IGSF8: variants seen among roughly 807,000 people sequenced by gnomAD.
IGSF8 encodes CD81 partner 3.
Under a neutral mutation model 55.5 loss-of-function variants are expected in IGSF8, and 46 were observed. The ratio of observed to expected loss-of-function variants is 0.83; its 90% confidence interval spans 0.65 to 1.06. The LOEUF is 1.06. Ranked by LOEUF, IGSF8 falls within the 50% of genes least tolerant of loss-of-function variation. IGSF8 has a pLI of 0.00. For missense variants in IGSF8, 731 were observed against 832.3 expected (o/e 0.88, Z 1.50); for synonymous variants, 314 against 356.1 (o/e 0.88, Z 1.33).
Position 160,095,048 on chromosome 1 carries a change from TAGG to T in IGSF8, c.260_262del (p.Ser87del), listed in dbSNP as rs748020439. 4.3e-6 allele frequency: 7 copies of T among 1,614,038 alleles called. No individual in the cohort carries two copies. The African/African-American group carries it at 9.3e-5, about 22-fold the overall frequency. On this transcript the variant is annotated inframe_deletion, in exon 2 of 7. Transcript: ENST00000314485. ...CACCACTCGGGACTTGAAGACAGCA[TAGG>T]AGAACTGGGTATCCTTGGTACTGAC...
chr1:160,093,220 G>C lies in IGSF8; in HGVS notation c.1016C>G (p.Ala339Gly), dbSNP rs1302405878. ...CATCTCCCAACCTACAGAGTATGCA[G>C]CATGACGGCCTGCTGGGGGAAGTGC... is the stretch of plus-strand genomic sequence containing the variant. Reference protein sequence around the residue: ...SGALPPAGRHAAYSVGWEMAP... With the variant: ...SGALPPAGRHGAYSVGWEMAP... The change falls in exon 4 of 7, where the codon GCT becomes GGT. Residue 339 changes from alanine to glycine, a missense_variant. By Grantham distance (60) the Ala-to-Gly change is moderately conservative. Coordinates refer to ENST00000314485, the MANE Select transcript of IGSF8 (RefSeq NM_052868.6). 1.4e-5 allele frequency: 22 copies of C among 1,613,942 alleles called. No homozygotes were observed. The highest frequency in any genetic ancestry group is 1.9e-5 in the Non-Finnish European group (22 of 1,179,960).
rs1298154154 is a variant in IGSF8 at position 160,093,739 on chromosome 1, A to G, written c.875T>C (p.Val292Ala). 1 of 1,611,918 alleles carries G rather than the reference A, an allele frequency of 6.2e-7. No homozygotes were observed. Among genetic ancestry groups the G allele is most frequent in the Non-Finnish European group, 8.5e-7 (1 of 1,178,690 alleles). Reference sequence around the variant, plus strand: ...CGTCTGCACATCCACGTGGGCCAGGACGGCCCTTTTCTCTGCAATCTGGGC... The same window carrying G: ...CGTCTGCACATCCACGTGGGCCAGGGCGGCCCTTTTCTCTGCAATCTGGGC... ...SWAQIAEKRA[V>A]LAHVDVQTLS... The change falls in exon 3 of 7, where the codon GTC (valine) becomes GCC (alanine). Residue 292 changes from valine (V) to alanine (A), a missense_variant. Transcript: ENST00000314485.
At position 160,093,807 on chromosome 1, in the gene IGSF8, G is replaced by A. The variant is rs1350718768; in HGVS notation, c.807C>T (p.His269=). Residue 269 remains histidine, a synonymous_variant, in exon 3 of 7, where the codon CAC becomes CAT. Coordinates refer to ENST00000314485, the MANE Select transcript of IGSF8 (RefSeq NM_052868.6). ...GAQAGDAGTY[H]CTAAEWIQDP... The stretch of plus-strand genomic sequence containing the variant: ...CCTGAATCCACTCAGCGGCAGTGCA[G>A]TGGTAGGTGCCTGCGTCCCCTGCCT... 6.2e-7 allele frequency: 1 copy of A among 1,614,098 alleles called. No individual in the cohort carries two copies.
Position 160,098,433 on chromosome 1 carries a change from G to A in IGSF8, c.40C>T (p.Pro14Ser), listed in dbSNP as rs200932191. The change falls in exon 1 of 7, where the codon CCG becomes TCG. Residue 14 changes from proline (P) to serine (S), a missense_variant. By Grantham distance (74) the Pro-to-Ser change is moderately conservative (BLOSUM62 -1). Transcript: ENST00000314485. The stretch of plus-strand genomic sequence containing the variant: ...CCTAGCATTAGCAGCAGCAGCAGCG[G>A]CAGCGAAGGCGGCAGCAGCGTGGGC... The part of the protein sequence containing the change: ...LRPTLLPPSL[P>S]LLLLLMLGMG... 28 of 1,547,932 alleles carry A rather than the reference G, an allele frequency of 1.8e-5. No homozygotes were observed. In the East Asian group the frequency reaches 6.6e-4, roughly 36 times the overall value.
Position 160,092,300 on chromosome 1 carries a change from C to T in IGSF8, c.1708G>A (p.Val570Ile). ...AGSARSGPVT[V>I]YPYMHALDTL... Reference sequence around the variant, plus strand: ...CACTCACCATGCATGTAGGGGTAGACTGTAACAGGCCCTGAGCGGGCACTG... The same window carrying T: ...CACTCACCATGCATGTAGGGGTAGATTGTAACAGGCCCTGAGCGGGCACTG... The change falls in exon 5 of 7, where the codon GTC becomes ATC. Residue 570 changes from valine (V) to isoleucine (I), a missense_variant. Coordinates refer to ENST00000314485, the MANE Select transcript of IGSF8 (RefSeq NM_052868.6). 2 of 1,614,092 alleles carry T rather than the reference C, an allele frequency of 1.2e-6. No homozygotes were observed. The highest frequency in any genetic ancestry group is 1.7e-6 in the Non-Finnish European group (2 of 1,179,946).
chr1:160,093,422 C>G, intron 3 of IGSF8, 91 bp from the exon 4 acceptor site: 1 of 1,302,392 alleles, frequency 7.7e-7, no homozygotes, highest in Non-Finnish European at 1.1e-6. Flanking sequence ...TACTTGACAG[C>G]AGCAACTTCA....
chr1:160,097,586 G>T, intron 1 of IGSF8: 1 of 608,732 alleles, frequency 1.6e-6, no homozygotes, highest in Non-Finnish European at 2.1e-6. Context: ...CTGTCTCCAT[G>T]CCATACTCTT....
In IGSF8 at chr1:160,098,463, G is replaced by A. The variant is rs1650605822; in HGVS notation, c.10C>T (p.Leu4Phe). The change falls in exon 1 of 7, where the codon CTC becomes TTC. Residue 4 changes from leucine (L) to phenylalanine (F), a missense_variant. Transcript: ENST00000314485. ...GAAGGCGGCAGCAGCGTGGGCCTGA[G>A]GGCGCCCATCCTGCGCGGCCAGCTC... MGA[L>F]RPTLLPPSLP... 6.5e-7 allele frequency: 1 copy of A among 1,543,584 alleles called. No homozygotes were observed. The highest frequency in any genetic ancestry group is 8.7e-7 in the Non-Finnish European group (1 of 1,144,838).
chr1:160,099,438 C>G (rs939603519), upstream of IGSF8, among the ~76,000 whole-genome samples: 4 of 152,218 alleles, frequency 2.6e-5, no homozygotes, highest in African/African-American at 9.7e-5. Context: ...TTTTCACCCC[C>G]TCAGAGGGCA....
At chr1:160,098,631 G>A, upstream of IGSF8, 1 of 556,958 alleles carries the variant, frequency 1.8e-6, no homozygotes, top group Non-Finnish European at 3.1e-6. Context: ...CCCTCCCTCC[G>A]CCCCTCCCGC....
chr1:160,096,232 G>C (rs1650426546), intron 1 of IGSF8, among the ~76,000 whole-genome samples: 1 of 152,068 alleles, frequency 6.6e-6, no homozygotes, highest in South Asian at 2.1e-4. Flanking sequence ...CACTAGATAA[G>C]ATCACAGAAC....
chr1:160,093,698 A>T lies in IGSF8; in HGVS notation c.904+12T>A. On this transcript the variant is annotated intron_variant, in intron 3 of 6. Coordinates refer to ENST00000314485, the MANE Select transcript of IGSF8 (RefSeq NM_052868.6). The stretch of plus-strand genomic sequence containing the variant: ...CCCAGCTCCCACAGTGGGATGTATA[A>T]GTGGCACTTACACAGCGTCTGCACA... 6.3e-7 allele frequency: 1 copy of T among 1,582,904 alleles called. No homozygotes were observed. Among genetic ancestry groups the T allele is most frequent in the South Asian group, 1.2e-5 (1 of 85,840 alleles).
chr1:160,097,810 G>T, intron 1 of IGSF8: 1 of 985,482 alleles, frequency 1.0e-6, no homozygotes, highest in Non-Finnish European at 1.2e-6. Context: ...TGTGAAAACT[G>T]ATGGGTGGCT....
rs748094318 is a variant in IGSF8, at chr1:160,094,319, G to A, written c.443-148C>T. 6.7e-5 allele frequency: 42 copies of A among 627,770 alleles called. No homozygotes were observed. The highest frequency in any genetic ancestry group is 1.1e-4 in the Non-Finnish European group (38 of 361,116). The allele number at this position is 627,770 out of a possible 1,614,324, so 38.9% of individuals were successfully genotyped here. On this transcript the variant is annotated intron_variant, in intron 2 of 6. Transcript: ENST00000314485. This position sits in a 1 kb window ranked among gnomAD's most constrained non-coding sequence, Gnocchi z 4.0. Reference sequence around the variant, plus strand: ...ATTATTTCTTCTGTAACTCAGTGGTGCCAAGGGCAGTACTGGGCACAGCAC... The same window carrying A: ...ATTATTTCTTCTGTAACTCAGTGGTACCAAGGGCAGTACTGGGCACAGCAC...
At position 160,093,155 on chromosome 1, in the gene IGSF8, G is replaced by C. The variant is rs761645976; in HGVS notation, c.1081C>G (p.Gln361Glu). The C allele has an allele frequency of 6.2e-7, 1 of 1,613,704 alleles. No individual in the cohort carries two copies. The highest frequency in any genetic ancestry group is 1.7e-5 in the Admixed American group (1 of 59,972). Reference protein sequence around the residue: ...GAPGPGRLVAQLDTEGVGSLG... With the variant: ...GAPGPGRLVAELDTEGVGSLG... ...CTGCCCACACCCTCTGTGTCCAGCT[G>C]GGCTACCAGGCGGCCGGGCCCAGGT... Residue 361 changes from glutamine (Q) to glutamate (E), a missense_variant, in exon 4 of 7, where the codon CAG becomes GAG. Transcript: ENST00000314485.
chr1:160,091,992 C>T (rs1649988743), intron 5 of IGSF8, 54 bp from the exon 6 acceptor site: 2 of 1,246,786 alleles, frequency 1.6e-6, no homozygotes, highest in African/African-American at 1.5e-5. Flanking sequence ...TCCACCCATA[C>T]ACTTGCCTCT....
intron 3 of IGSF8, 98 bp from the exon 4 acceptor site, chr1:160,093,429 T>C: frequency 8.2e-7 from 1 of 1,216,260 alleles, no homozygotes; most frequent in Non-Finnish European, 1.2e-6. Flanking sequence ...CAGCAGCAAC[T>C]TCAAAACCTC....
At chr1:160,095,559 A>G (rs1650374891) in intron 1 of IGSF8, among the ~76,000 whole-genome samples, 1 of 152,192 alleles carries the variant, frequency 6.6e-6, no homozygotes, top group Non-Finnish European at 1.5e-5. Flanking sequence ...CTTGGTTCCA[A>G]CTGAACCTTG....
intron 1 of IGSF8, among the ~76,000 whole-genome samples, chr1:160,096,135 T>TCCACCCCTATGCCCAACCCTACC (rs1192839020): frequency 1.8e-4 from 28 of 152,152 alleles, no homozygotes; most frequent in African/African-American, 6.7e-4. Flanking sequence ...TTCACCCTAC[T>TCCACCCCTATGCCCAACCCTACC]CCACCCCTAT....
Sources: allele counts gnomAD v4.1 joint callset (sites outside exome capture counted in the v4.1 genomes callset), GRCh38; gene constraint gnomAD v4.1.1; non-coding constraint Gnocchi (gnomAD v3.1); transcripts MANE v1.5; gene names NCBI Gene and HGNC (gene_info 2026-07-23, HGNC 2026-07-21).